The following OSBPL5 variants were observed in gnomAD, a reference collection of about 807,000 sequenced individuals.
The protein encoded by OSBPL5 is oxysterol binding protein like 5, also known as oxysterol-binding protein-related protein 5.
In OSBPL5, 71 loss-of-function variants were observed where a neutral mutation model predicts 111.2. The observed-to-expected ratio is 0.64, with a 90% CI of 0.53 to 0.78. The LOEUF (loss-of-function observed/expected upper bound fraction) is 0.78, where lower values mean the gene tolerates loss of function less well. OSBPL5 is among the 30% of genes least tolerant of loss of function. The pLI, the probability that OSBPL5 is intolerant of heterozygous loss-of-function variation, is 0.00. For synonymous variants in OSBPL5, 549 were observed against 513.9 expected (o/e 1.07, Z -0.93); for missense variants, 1,210 against 1,189.3 (o/e 1.02, Z -0.26).
intron 7 of OSBPL5, among the ~76,000 whole-genome samples, chr11:3,119,166 C>T (rs752361132): frequency 1.1e-4 from 16 of 152,182 alleles, no homozygotes; most frequent in Admixed American, 3.9e-4. Context: ...CCTGCCACCA[C>T]GCCTGGCTAA....
At chr11:3,097,091 A>G in intron 14 of OSBPL5, among the ~76,000 whole-genome samples, 1 of 141,244 alleles carries the variant, frequency 7.1e-6, no homozygotes. Context: ...GAGAAGAGGA[A>G]AGAGGGGGAA....
In OSBPL5 at chr11:3,142,902, G is replaced by A. The variant is rs142262174; in HGVS notation, c.-21-13733C>T. ...GACAAAACCAGTCACCCAGGACAGCGGACGGCACACGGGGTGGGGGTGTGT... is the reference window on the plus strand; with the variant it reads ...GACAAAACCAGTCACCCAGGACAGCAGACGGCACACGGGGTGGGGGTGTGT... On this transcript the variant is annotated intron_variant, in intron 1 of 21. Coordinates refer to ENST00000263650, the MANE Select transcript of OSBPL5 (RefSeq NM_020896.4). The surrounding 1 kb of genome is among the most constrained non-coding windows in gnomAD (Gnocchi z 7.1). 3.4e-3 allele frequency among the ~76,000 whole-genome samples: 519 copies of A among 151,506 alleles called. 3 individuals are homozygous for A. Among genetic ancestry groups the A allele is most frequent in the African/African-American group, 0.011 (448 of 41,234 alleles).
Position 3,120,403 on chromosome 11 carries a change from CCCA to C in OSBPL5, c.606+15_606+17del. ...GCCCTACGGGGCCTCTGTCTTCAAC[CCCA>C]CCCCTCCGCAGCACCTTCACGGCCC... On this transcript the variant is annotated intron_variant, in intron 6 of 21. Transcript: ENST00000263650. 6.2e-7 allele frequency: 1 copy of C among 1,606,998 alleles called. No homozygotes were observed. Among genetic ancestry groups the C allele is most frequent in the Non-Finnish European group, 8.5e-7 (1 of 1,177,326 alleles).
intron 7 of OSBPL5, among the ~76,000 whole-genome samples, chr11:3,112,043 G>C (rs574519622): frequency 1.3e-5 from 1 of 76,344 alleles, no homozygotes; most frequent in African/African-American, 4.5e-5. Flanking sequence ...GTATGTGTGC[G>C]CGCATGTGTG....
At chr11:3,114,161 C>T (rs951717400) in intron 7 of OSBPL5, among the ~76,000 whole-genome samples, 3 of 150,652 alleles carry the variant, frequency 2.0e-5, no homozygotes, top group Non-Finnish European at 4.5e-5. Context: ...AAAGCATGTC[C>T]TTTTGAAAAA....
rs1297764754 is a variant in OSBPL5, at chr11:3,116,756, G to A, written c.691+2791C>T. On this transcript the variant is annotated intron_variant, in intron 7 of 21. Coordinates refer to ENST00000263650, the MANE Select transcript of OSBPL5 (RefSeq NM_020896.4). The stretch of plus-strand genomic sequence containing the variant: ...TATAATCCCAGCTACTTGGGAGGCT[G>A]AGGCAGGAGAATTGCTTGAACCCAG... 2.6e-5 allele frequency among the ~76,000 whole-genome samples: 4 copies of A among 151,120 alleles called. No individual in the cohort carries two copies. The South Asian group carries it at 8.4e-4, about 32-fold the overall frequency.
chr11:3,103,785 T>TTTCCAGTCTGCGCAGCC (rs1564830137), intron 10 of OSBPL5, among the ~76,000 whole-genome samples: 41 of 55,032 alleles, frequency 7.5e-4, no homozygotes, highest in South Asian at 3.1e-3. Flanking sequence ...GCCTCTGCAG[T>TTTCCAGTCTGCGCAGCC]CCCTTCCTGC....
Position 3,106,553 on chromosome 11 carries a change from G to A in OSBPL5, c.1059+710C>T, listed in dbSNP as rs1857701955. Among the ~76,000 whole-genome samples, 1 of 152,166 alleles carries A rather than the reference G, an allele frequency of 6.6e-6. No individual in the cohort carries two copies. Among genetic ancestry groups the A allele is most frequent in the Non-Finnish European group, 1.5e-5 (1 of 68,032 alleles). ...CCACGTGAGTTCTCTCCAGCTGCGG[G>A]GAGTCAGCTGCCCTGGCTGTTCATC... On this transcript the variant is annotated intron_variant, in intron 9 of 21. Transcript: ENST00000263650. The surrounding 1 kb of genome is among the most constrained non-coding windows in gnomAD (Gnocchi z 8.4).
rs761055362 is a variant in OSBPL5 at position 3,102,253 on chromosome 11, A to G, written c.1355T>C (p.Leu452Pro). 1 of 1,607,010 alleles carries G rather than the reference A, an allele frequency of 6.2e-7. No individual in the cohort carries two copies. Among genetic ancestry groups the G allele is most frequent in the Non-Finnish European group, 8.5e-7 (1 of 1,177,270 alleles). ...KGIKKPYNPI[L>P]GETFRCCWFH... Reference sequence around the variant, plus strand: ...CCAGCAGCAGCGGAAGGTCTCCCCCAGGATGGGGTTGTACGGCTTCTTGAT... The same window carrying G: ...CCAGCAGCAGCGGAAGGTCTCCCCCGGGATGGGGTTGTACGGCTTCTTGAT... The change falls in exon 12 of 22, where the codon CTG (leucine) becomes CCG (proline). Residue 452 changes from leucine to proline, a missense_variant. Coordinates refer to ENST00000263650, the MANE Select transcript of OSBPL5 (RefSeq NM_020896.4).
chr11:3,112,112 C>A (rs1564837907), intron 7 of OSBPL5, among the ~76,000 whole-genome samples: 1 of 147,790 alleles, frequency 6.8e-6, no homozygotes. Context: ...TGTGTGTGTG[C>A]ATGTGTGTGT....
intron 1 of OSBPL5, among the ~76,000 whole-genome samples, chr11:3,139,863 C>G (rs939918081): frequency 2.6e-5 from 4 of 152,206 alleles, no homozygotes; most frequent in South Asian, 4.1e-4. Context: ...TCCTAGGGTG[C>G]GTTTACTCGC....
intron 4 of OSBPL5, 49 bp downstream of exon 4, chr11:3,122,299 C>G: frequency 6.3e-7 from 1 of 1,577,896 alleles, no homozygotes; most frequent in Non-Finnish European, 8.6e-7. Flanking sequence ...CTCAGGTGGC[C>G]GTCGGTCTGA....
chr11:3,156,829 C>T (rs750550868), intron 1 of OSBPL5, among the ~76,000 whole-genome samples: 5 of 152,234 alleles, frequency 3.3e-5, no homozygotes, highest in African/African-American at 4.8e-5. Context: ...GCTCCCACCA[C>T]GTCCCGAGGC....
Position 3,130,339 on chromosome 11 carries a change from C to G in OSBPL5, c.-21-1170G>C, listed in dbSNP as rs551803880. 6.6e-6 allele frequency among the ~76,000 whole-genome samples: 1 copy of G among 152,262 alleles called. No homozygotes were observed. Among genetic ancestry groups the G allele is most frequent in the Non-Finnish European group, 1.5e-5 (1 of 68,054 alleles). ...GGGGCTGCTTCCTGCTGCCTCAGGG[C>G]AGGCCAGTGGCATCCTGCCAAGCCC... On this transcript the variant is annotated intron_variant, in intron 1 of 21. Coordinates refer to ENST00000263650, the MANE Select transcript of OSBPL5 (RefSeq NM_020896.4). This position sits in a 1 kb window ranked among gnomAD's most constrained non-coding sequence, Gnocchi z 4.5.
intron 7 of OSBPL5, among the ~76,000 whole-genome samples, chr11:3,115,851 C>T (rs1464363996): frequency 1.4e-5 from 2 of 147,596 alleles, no homozygotes; most frequent in African/African-American, 2.5e-5. Flanking sequence ...AGTCTCCTGT[C>T]TCAAAGAATG....
At chr11:3,100,127 T>A in intron 14 of OSBPL5, 31 bp downstream of exon 14, 3 of 1,600,644 alleles carry the variant, frequency 1.9e-6, no homozygotes, top group Non-Finnish European at 2.6e-6. Flanking sequence ...AGCCTGGCTC[T>A]GCCCTCGGAG....
intron 1 of OSBPL5, chr11:3,163,978 G>A (rs1031968724): frequency 2.6e-5 from 4 of 152,258 alleles, no homozygotes; most frequent in Admixed American, 2.6e-4. Context: ...TGTGTACCAA[G>A]GAGGTGGGAT....
At chr11:3,143,089 G>A (rs1247767254) in intron 1 of OSBPL5, among the ~76,000 whole-genome samples, 3 of 82,666 alleles carry the variant, frequency 3.6e-5, no homozygotes, top group African/African-American at 1.4e-4. Context: ...GCAGAGGGGG[G>A]CAGAGGAGGC....
chr11:3,122,536 C>A, intron 3 of OSBPL5, 108 bp from the exon 4 acceptor site: 1 of 966,332 alleles, frequency 1.0e-6, no homozygotes. Context: ...CAGAGAAGGG[C>A]GCTCCACTCG....
Sources: allele counts gnomAD v4.1 joint callset (sites outside exome capture counted in the v4.1 genomes callset), GRCh38; gene constraint gnomAD v4.1.1; non-coding constraint Gnocchi (gnomAD v3.1); transcripts MANE v1.5; gene names NCBI Gene and HGNC (gene_info 2026-07-23, HGNC 2026-07-21).